The following ENPP3 variants were observed in gnomAD, a reference collection of about 807,000 sequenced individuals.
ENPP3 encodes the protein ectonucleotide pyrophosphatase/phosphodiesterase 3.
ENPP3 carries 104 observed loss-of-function variants against 117.8 expected under a neutral mutation model. The observed-to-expected ratio is 0.88, with a 90% CI of 0.75 to 1.04. The LOEUF (loss-of-function observed/expected upper bound fraction) is 1.04. ENPP3 is among the 50% of genes least tolerant of loss of function. The probability of loss-of-function intolerance (pLI) is 0.00; values close to 1 mark genes in which losing one functional copy is unlikely to be tolerated. For synonymous variants in ENPP3, 380 were observed against 349.9 expected, an observed-to-expected ratio of 1.09 and a Z score of -0.96; for missense variants, 1,026 against 1,051.9, an observed-to-expected ratio of 0.98 and a Z score of 0.34.
intron 6 of ENPP3, among the ~76,000 whole-genome samples, chr6:131,669,884 T>C (rs974922348): frequency 4.6e-5 from 7 of 152,132 alleles, no homozygotes; most frequent in African/African-American, 1.7e-4. Flanking sequence ...GCAAAGCCTG[T>C]GACTTTTTGG....
At chr6:131,680,655 A>G (rs2114410314) in intron 11 of ENPP3, among the ~76,000 whole-genome samples, 1 of 152,356 alleles carries the variant, frequency 6.6e-6, no homozygotes, top group African/African-American at 2.4e-5. Context: ...TTTTAATCGC[A>G]TACCTTTATT....
In ENPP3 at chr6:131,677,512, A is replaced by G. The variant is rs547064412; in HGVS notation, c.939-356A>G. On this transcript the variant is annotated intron_variant, in intron 10 of 24. Transcript: ENST00000357639. ...GCTCCAGGTAAACAGTGCATCAGAA[A>G]CCAGACACCAGAAGAAAGAACTTGG... Among the ~76,000 whole-genome samples, 8 of 152,332 alleles carry G rather than the reference A, an allele frequency of 5.3e-5. 1 individual carries two copies. In the South Asian group the frequency reaches 1.7e-3, roughly 32 times the overall value.
At chr6:131,642,648 C>T (rs919166464) in intron 2 of ENPP3, among the ~76,000 whole-genome samples, 6 of 151,942 alleles carry the variant, frequency 3.9e-5, no homozygotes, top group African/African-American at 1.2e-4. Flanking sequence ...CACAGCTTAC[C>T]GCAGCCTCGA....
intron 15 of ENPP3, among the ~76,000 whole-genome samples, chr6:131,701,612 A>G (rs1443953039): frequency 6.0e-4 from 90 of 149,356 alleles, no homozygotes; most frequent in African/African-American, 2.1e-3. Context: ...CGGGTGCGGT[A>G]GCTCACGCCT....
intron 6 of ENPP3, among the ~76,000 whole-genome samples, chr6:131,658,961 A>G (rs563833639): frequency 9.8e-5 from 15 of 152,354 alleles, no homozygotes; most frequent in African/African-American, 3.6e-4. Context: ...CATCTGTGAA[A>G]TGGTGACTTC....
intron 2 of ENPP3, 109 bp from the exon 3 acceptor site, chr6:131,649,918 A>T: frequency 1.8e-6 from 2 of 1,134,492 alleles, no homozygotes; most frequent in South Asian, 1.4e-5. Flanking sequence ...AAAATCATCT[A>T]GTTGTCTGTC....
intron 1 of ENPP3, among the ~76,000 whole-genome samples, chr6:131,640,862 G>A (rs989669223): frequency 1.3e-5 from 2 of 152,160 alleles, no homozygotes; most frequent in African/African-American, 4.8e-5. Flanking sequence ...TCAGCAGAGC[G>A]ATAATGAATG....
At chr6:131,648,209 A>G (rs1010593871) in intron 2 of ENPP3, among the ~76,000 whole-genome samples, 1 of 151,540 alleles carries the variant, frequency 6.6e-6, no homozygotes, top group Non-Finnish European at 1.5e-5. Flanking sequence ...GGGTCAAACT[A>G]TAGTAGGATG....
At chr6:131,727,191 A>T (rs1455896899) in intron 20 of ENPP3, among the ~76,000 whole-genome samples, 1 of 152,220 alleles carries the variant, frequency 6.6e-6, no homozygotes, top group South Asian at 2.1e-4. Flanking sequence ...TAGTTACTAC[A>T]TGAACAAAGG....
At chr6:131,732,932 T>G (rs899047995) in intron 20 of ENPP3, among the ~76,000 whole-genome samples, 4 of 151,688 alleles carry the variant, frequency 2.6e-5, no homozygotes, top group Non-Finnish European at 5.9e-5. Context: ...GTTCACCATG[T>G]TGGCTAGGCT....
intron 6 of ENPP3, among the ~76,000 whole-genome samples, chr6:131,659,626 G>A (rs1277604531): frequency 2.0e-5 from 3 of 152,138 alleles, no homozygotes; most frequent in Non-Finnish European, 4.4e-5. Flanking sequence ...AGCCCCAAAT[G>A]CCATGGTTGT....
chr6:131,735,612 A>G (rs1275940002), intron 21 of ENPP3, among the ~76,000 whole-genome samples: 1 of 152,174 alleles, frequency 6.6e-6, no homozygotes, highest in Non-Finnish European at 1.5e-5. Flanking sequence ...AAAAATAATT[A>G]GTTAAGATAT....
chr6:131,642,836 C>T (rs1313504115), intron 2 of ENPP3: 1 of 152,242 alleles, frequency 6.6e-6, no homozygotes, highest in Admixed American at 6.5e-5. Flanking sequence ...TTCTTTTAAG[C>T]ATTGGGATTG....
chr6:131,678,990 C>T lies in ENPP3; in HGVS notation c.1011+1050C>T, dbSNP rs1321079308. ...CCTTCCTTCCTTCCTTCCTTCCTTC[C>T]TTCCTTCCTTGCTTCCTTCCTTCCT... On this transcript the variant is annotated intron_variant, in intron 11 of 24. Coordinates refer to ENST00000357639, the MANE Select transcript of ENPP3 (RefSeq NM_005021.5). Among the ~76,000 whole-genome samples, 5 of 105,966 alleles carry T rather than the reference C, an allele frequency of 4.7e-5. 1 individual carries two copies. The highest frequency in any genetic ancestry group is 2.8e-4 in the African/African-American group (5 of 17,682). 69.5% of individuals were successfully genotyped at this position (105,966 alleles called of 152,430 possible).
intron 22 of ENPP3, 65 bp downstream of exon 22, chr6:131,737,497 A>T: frequency 1.1e-6 from 1 of 917,822 alleles, no homozygotes; most frequent in Non-Finnish European, 1.7e-6. Flanking sequence ...TCCAAACTAA[A>T]CACATATTTT....
intron 15 of ENPP3, among the ~76,000 whole-genome samples, chr6:131,695,628 A>G (rs921755619): frequency 1.3e-5 from 2 of 152,102 alleles, no homozygotes; most frequent in African/African-American, 4.8e-5. Context: ...TGAAGAATCT[A>G]ATCTGGGCCA....
In ENPP3 at chr6:131,740,342, A is replaced by T. The variant is rs1346934669; in HGVS notation, c.2419A>T (p.Ile807Phe). The change falls in exon 24 of 25, where the codon ATC (isoleucine) becomes TTC (phenylalanine). Residue 807 changes from isoleucine (I) to phenylalanine (F), a missense_variant. By Grantham distance (21) the Ile-to-Phe change is conservative. Coordinates refer to ENST00000357639, the MANE Select transcript of ENPP3 (RefSeq NM_005021.5). ...CPGWLDVLPF[I>F]IPHRPTNVES... ...TGGGTGGCTGGATGTCCTACCCTTTATCATCCCTCACCGACCTACCAACGT... is the reference window on the plus strand; with the variant it reads ...TGGGTGGCTGGATGTCCTACCCTTTTTCATCCCTCACCGACCTACCAACGT... 2.5e-6 allele frequency: 4 copies of T among 1,611,750 alleles called. No individual in the cohort carries two copies. The East Asian group carries it at 8.9e-5, about 36-fold the overall frequency.
At chr6:131,686,717 C>T (rs1412638195) in intron 14 of ENPP3, among the ~76,000 whole-genome samples, 9 of 152,088 alleles carry the variant, frequency 5.9e-5, no homozygotes, top group African/African-American at 4.8e-5. Flanking sequence ...CTTATGTTCA[C>T]GTGTGTTCAA....
At chr6:131,689,488 G>A (rs1051314870) in intron 14 of ENPP3, among the ~76,000 whole-genome samples, 7 of 152,088 alleles carry the variant, frequency 4.6e-5, no homozygotes, top group African/African-American at 1.2e-4. Flanking sequence ...TATAGCATCC[G>A]TTTCCTGAAT....
Sources: allele counts gnomAD v4.1 joint callset (sites outside exome capture counted in the v4.1 genomes callset), GRCh38; gene constraint gnomAD v4.1.1; transcripts MANE v1.5; gene names NCBI Gene and HGNC (gene_info 2026-07-23, HGNC 2026-07-21).